The following MTARC1 variants were observed in gnomAD, a reference collection of about 807,000 sequenced individuals.
MTARC1 encodes the protein mitochondrial amidoxime-reducing component 1.
In MTARC1, 24 loss-of-function variants were observed where a neutral mutation model predicts 33.6. The ratio of observed to expected loss-of-function variants is 0.72; its 90% CI spans 0.52 to 1.01. The LOEUF is 1.01. Among genes scored for constraint, MTARC1 ranks in the 50% least tolerant of loss-of-function variants. The pLI is 0.00. For missense variants in MTARC1, 417 were observed against 445.7 expected, an observed-to-expected ratio of 0.94 and a Z score of 0.58; for synonymous variants, 187 against 189.5, an observed-to-expected ratio of 0.99 and a Z score of 0.11.
At chr1:220,791,230 T>C (rs182991330) in intron 1 of MTARC1, 41 of 310,690 alleles carry the variant, frequency 1.3e-4, no homozygotes, top group Non-Finnish European at 4.2e-5. Context: ...ACATCTTTGA[T>C]TTCTGTGCCA....
chr1:220,813,528 T>C lies in MTARC1; in HGVS notation c.*110T>C. 6.9e-7 allele frequency: 1 copy of C among 1,456,698 alleles called. No homozygotes were observed. 90.2% of individuals were successfully genotyped at this position (1,456,698 alleles called of 1,614,324 possible). Reference sequence around the variant, plus strand: ...TGAGACCTCTACATTTTCTTTAAATTTGTGATTTTCACATTTTTCGTCTTT... The same window carrying C: ...TGAGACCTCTACATTTTCTTTAAATCTGTGATTTTCACATTTTTCGTCTTT... On this transcript the variant is annotated 3_prime_UTR_variant, in exon 7 of 7. Coordinates refer to ENST00000366910, the MANE Select transcript of MTARC1 (RefSeq NM_022746.4).
chr1:220,791,549 C>G lies in MTARC1; in HGVS notation c.334C>G (p.Leu112Val). 6.2e-7 allele frequency: 1 copy of G among 1,614,180 alleles called. No individual in the cohort carries two copies. Among genetic ancestry groups the G allele is most frequent in the Non-Finnish European group, 8.5e-7 (1 of 1,180,042 alleles). The change falls in exon 2 of 7, where the codon CTG becomes GTG. Residue 112 changes from leucine (L) to valine (V), a missense_variant. Transcript: ENST00000366910. ...NMVTARQEPR[L>V]VLISLTCDGD... Reference sequence around the variant, plus strand: ...GGTTACTGCTCGCCAGGAACCTCGCCTGGTCCTGATTTCCCTGACCTGCGA... The same window carrying G: ...GGTTACTGCTCGCCAGGAACCTCGCGTGGTCCTGATTTCCCTGACCTGCGA...
At chr1:220,795,335 G>A (rs1308023975) in intron 2 of MTARC1, among the ~76,000 whole-genome samples, 1 of 152,140 alleles carries the variant, frequency 6.6e-6, no homozygotes, top group Non-Finnish European at 1.5e-5. Context: ...CAAGGCCATG[G>A]AGCTAGTCAT....
At chr1:220,796,885 C>T (rs962172392) in intron 3 of MTARC1, 80 bp downstream of exon 3, 18 of 1,443,122 alleles carry the variant, frequency 1.2e-5, no homozygotes, top group African/African-American at 8.9e-5. Context: ...CTGATGACCT[C>T]GGCTCTGTTG....
rs1429564308 is a variant in MTARC1, at chr1:220,805,189, G to C, written c.816-14G>C. On this transcript the variant is annotated splice_polypyrimidine_tract_variant and intron_variant, in intron 5 of 6. Coordinates refer to ENST00000366910, the MANE Select transcript of MTARC1 (RefSeq NM_022746.4). ...TGCTCTGTCCCCCTTATGATGCTCT[G>C]TGTGTGTGTCCAGATGCATTTTAAC... 5.6e-6 allele frequency: 9 copies of C among 1,613,638 alleles called. No individual in the cohort carries two copies. The highest frequency in any genetic ancestry group is 6.8e-6 in the Non-Finnish European group (8 of 1,179,692).
chr1:220,805,627 A>G (rs1391898502), intron 6 of MTARC1, among the ~76,000 whole-genome samples: 2 of 152,238 alleles, frequency 1.3e-5, no homozygotes, highest in Non-Finnish European at 2.9e-5. Flanking sequence ...AGAAATGTCA[A>G]TATATTTTAG....
chr1:220,813,149 G>C (rs1417378840), intron 6 of MTARC1, 143 bp from the exon 7 acceptor site: 6 of 1,064,238 alleles, frequency 5.6e-6, no homozygotes, highest in Non-Finnish European at 8.4e-6. Context: ...CCCACTCCAG[G>C]AGGCGCTGTT....
Position 220,810,791 on chromosome 1 carries a change from G to A in MTARC1, c.888-2501G>A, listed in dbSNP as rs2807839. Among the ~76,000 whole-genome samples the A allele has an allele frequency of 6.2e-3, 948 of 152,252 alleles. 4 individuals are homozygous for A. The highest frequency in any genetic ancestry group is 0.022 in the African/African-American group (897 of 41,542). ...CTGTGGGTGTACTCAGGAGGATGTCGACGACCAGGGTTACATCCTGGGTGG... is the reference window on the plus strand; with the variant it reads ...CTGTGGGTGTACTCAGGAGGATGTCAACGACCAGGGTTACATCCTGGGTGG... On this transcript the variant is annotated intron_variant, in intron 6 of 6. Coordinates refer to ENST00000366910, the MANE Select transcript of MTARC1 (RefSeq NM_022746.4).
Position 220,818,778 on chromosome 1 carries a change from G to A in MTARC1, c.*5360G>A, listed in dbSNP as rs1673328644. The A allele has an allele frequency of 6.6e-6, 1 of 152,168 alleles. No homozygotes were observed. Among genetic ancestry groups the A allele is most frequent in the Admixed American group, 6.5e-5 (1 of 15,284 alleles). The allele number at this position is 152,168 out of a possible 1,614,324, so 9.4% of individuals were successfully genotyped here. On this transcript the variant is annotated 3_prime_UTR_variant, in exon 7 of 7. Coordinates refer to ENST00000366910, the MANE Select transcript of MTARC1 (RefSeq NM_022746.4). Reference sequence around the variant, plus strand: ...GATTAACATTTTTACACCTAACAAAGTCTCAGAGAGATTGAATTTACTGGG... The same window carrying A: ...GATTAACATTTTTACACCTAACAAAATCTCAGAGAGATTGAATTTACTGGG...
rs1673319041 is a variant in MTARC1, at chr1:220,818,130, G to T, written c.*4712G>T. The T allele has an allele frequency of 6.6e-6, 1 of 152,160 alleles. No individual in the cohort carries two copies. Among genetic ancestry groups the T allele is most frequent in the South Asian group, 2.1e-4 (1 of 4,834 alleles). 9.4% of individuals were successfully genotyped at this position (152,160 alleles called of 1,614,324 possible). A position where few individuals can be genotyped will look rare whatever the true frequency, so the allele number is the denominator to read the frequency against. Reference sequence around the variant, plus strand: ...AGGAAGAATCTGGCTCGGTACCACAGATGTTCTTGGAATTGGGATAGTAAA... The same window carrying T: ...AGGAAGAATCTGGCTCGGTACCACATATGTTCTTGGAATTGGGATAGTAAA... On this transcript the variant is annotated 3_prime_UTR_variant, in exon 7 of 7. Coordinates refer to ENST00000366910, the MANE Select transcript of MTARC1 (RefSeq NM_022746.4).
intron 4 of MTARC1, among the ~76,000 whole-genome samples, chr1:220,801,231 T>C (rs776255223): frequency 6.6e-6 from 1 of 152,102 alleles, no homozygotes; most frequent in Non-Finnish European, 1.5e-5. Context: ...CTGGCCTTTT[T>C]TCTGGGCCCC....
At chr1:220,795,646 C>T (rs952145416) in intron 2 of MTARC1, among the ~76,000 whole-genome samples, 1 of 152,004 alleles carries the variant, frequency 6.6e-6, no homozygotes, top group Non-Finnish European at 1.5e-5. Context: ...ACCTATAAAC[C>T]TTATATGGCT....
chr1:220,787,022 C>A lies in MTARC1; in HGVS notation c.78C>A (p.Ala26=), dbSNP rs1672254691. 3 of 1,318,968 alleles carry A rather than the reference C, an allele frequency of 2.3e-6. No individual in the cohort carries two copies. The highest frequency in any genetic ancestry group is 2.9e-6 in the Non-Finnish European group (3 of 1,042,352). 81.7% of individuals were successfully genotyped at this position (1,318,968 alleles called of 1,614,324 possible). ...AQSRPGWLGV[A]ALGLTAVALG... ...CCCGGCCCGGGTGGCTCGGGGTTGC[C>A]GCGCTGGGCCTGACCGCGGTGGCGC... The change falls in exon 1 of 7, where the codon GCC becomes GCA. Residue 26 remains alanine (A), a synonymous_variant. Transcript: ENST00000366910.
intron 6 of MTARC1, chr1:220,808,818 C>G: frequency 2.1e-6 from 1 of 471,096 alleles, no homozygotes; most frequent in South Asian, 1.5e-5. Context: ...TGTCTGCTAA[C>G]AGGAAGATAT....
intron 6 of MTARC1, among the ~76,000 whole-genome samples, chr1:220,810,650 G>A (rs1393272111): frequency 6.6e-6 from 1 of 152,210 alleles, no homozygotes; most frequent in Middle Eastern, 3.2e-3. Flanking sequence ...CTCATTACCT[G>A]GTGGGGGAGT....
chr1:220,798,407 A>G, intron 4 of MTARC1: 1 of 1,176,196 alleles, frequency 8.5e-7, no homozygotes, highest in Non-Finnish European at 1.1e-6. Context: ...TGGAGAAGAC[A>G]GGCATTTACT....
intron 6 of MTARC1, among the ~76,000 whole-genome samples, chr1:220,812,796 C>T (rs1308075044): frequency 6.6e-6 from 1 of 152,052 alleles, no homozygotes; most frequent in East Asian, 1.9e-4. Context: ...ACAATCTCCG[C>T]TCACTGCAAG....
Position 220,801,934 on chromosome 1 carries a change from C to T in MTARC1, c.754-3118C>T, listed in dbSNP as rs72472320. On this transcript the variant is annotated intron_variant, in intron 4 of 6. Transcript: ENST00000366910. ...CGGCACTCCCCACACACATTTCTTA[C>T]ACCTCACTTCTCCCTGAAGCCACAG... Among the ~76,000 whole-genome samples, 795 of 152,216 alleles carry T rather than the reference C, an allele frequency of 5.2e-3. 13 individuals carry two copies. The highest frequency in any genetic ancestry group is 0.051 in the East Asian group (262 of 5,178).
At chr1:220,787,361 AG>A in intron 1 of MTARC1, 142 bp downstream of exon 1, 1 of 1,334,636 alleles carries the variant, frequency 7.5e-7, no homozygotes, top group East Asian at 3.1e-5. Flanking sequence ...GGGTGAGACA[AG>A]GCCAAAGAGA....
Sources: allele counts gnomAD v4.1 joint callset (sites outside exome capture counted in the v4.1 genomes callset), GRCh38; gene constraint gnomAD v4.1.1; transcripts MANE v1.5; gene names NCBI Gene and HGNC (gene_info 2026-07-23, HGNC 2026-07-21).